The following SLC17A6 variants were observed in gnomAD, a reference collection of about 807,000 sequenced individuals.
SLC17A6 encodes vesicular glutamate transporter 2.
A neutral mutation model predicts 67.1 loss-of-function variants in SLC17A6; 35 were observed. That is an observed-to-expected ratio of 0.52 (90% CI 0.40 to 0.69). The LOEUF (loss-of-function observed/expected upper bound fraction) is 0.69. SLC17A6 is among the 30% of genes least tolerant of loss of function. SLC17A6 has a pLI of 0.00. For synonymous variants in SLC17A6, 285 were observed against 252.3 expected, an observed-to-expected ratio of 1.13 and a Z score of -1.23; for missense variants, 588 against 723.9, an observed-to-expected ratio of 0.81 and a Z score of 2.15.
intron 3 of SLC17A6, among the ~76,000 whole-genome samples, chr11:22,359,085 T>C (rs1856020413): frequency 6.6e-6 from 1 of 152,226 alleles, no homozygotes; most frequent in Admixed American, 6.5e-5. Flanking sequence ...GTTTACATTG[T>C]AGAATGAAAT....
At chr11:22,368,955 C>T (rs1856143523) in intron 7 of SLC17A6, among the ~76,000 whole-genome samples, 1 of 151,980 alleles carries the variant, frequency 6.6e-6, no homozygotes, top group Non-Finnish European at 1.5e-5. Flanking sequence ...TACTGTGTTG[C>T]ATTTAAAGTG....
intron 6 of SLC17A6, among the ~76,000 whole-genome samples, chr11:22,363,237 G>C (rs1034147361): frequency 2.8e-5 from 4 of 144,750 alleles, no homozygotes; most frequent in Admixed American, 6.9e-5. Flanking sequence ...TGAAAGGGGG[G>C]GTGGAAAGCT....
chr11:22,362,728 T>A lies in SLC17A6; in HGVS notation c.662-11T>A, dbSNP rs552588099. The A allele has an allele frequency of 6.2e-7, 1 of 1,610,884 alleles. No homozygotes were observed. The highest frequency in any genetic ancestry group is 1.3e-5 in the African/African-American group (1 of 74,980). ...TCACTCACCTTTCTCCCATTCTTCC[T>A]TACACTTTAGGTTCCTATGCCGGAG... is the stretch of plus-strand genomic sequence containing the variant. On this transcript the variant is annotated splice_polypyrimidine_tract_variant and intron_variant, in intron 5 of 11. Transcript: ENST00000263160.
chr11:22,361,183 G>A (rs1415135669), intron 5 of SLC17A6, 199 bp downstream of exon 5: 6 of 474,330 alleles, frequency 1.3e-5, no homozygotes, highest in African/African-American at 1.2e-4. Context: ...TCTTGTGTTT[G>A]TATTTTTCTA....
chr11:22,377,633 A>G lies in SLC17A6; in HGVS notation c.1642A>G (p.Thr548Ala), dbSNP rs1450042596. ...TACCACCAAGTCTTATGGTGCCACA[A>G]CACAGGCCAATGGAGGTTGGCCTAG... ...YGTTKSYGAT[T>A]QANGGWPSGW... is the part of the protein sequence containing the mutation. The change falls in exon 12 of 12, where the codon ACA (threonine) becomes GCA (alanine). Residue 548 changes from threonine to alanine, a missense_variant. This residue lies in a region of SLC17A6 where 414 missense variants were observed against 563.4 expected (regional missense o/e 0.73). Coordinates refer to ENST00000263160, the MANE Select transcript of SLC17A6 (RefSeq NM_020346.3). 1 of 1,614,164 alleles carries G rather than the reference A, an allele frequency of 6.2e-7. No homozygotes were observed. The highest frequency in any genetic ancestry group is 8.5e-7 in the Non-Finnish European group (1 of 1,180,000).
At chr11:22,364,992 C>A (rs916846188) in intron 6 of SLC17A6, among the ~76,000 whole-genome samples, 5 of 152,052 alleles carry the variant, frequency 3.3e-5, no homozygotes, top group Non-Finnish European at 5.9e-5. Flanking sequence ...AGTACAGAGG[C>A]CCACTTTTTA....
chr11:22,366,664 A>G (rs1202069708), intron 7 of SLC17A6, among the ~76,000 whole-genome samples: 1 of 152,210 alleles, frequency 6.6e-6, no homozygotes, highest in Admixed American at 6.5e-5. Context: ...TACATTGTAC[A>G]TAGTAATTAA....
intron 3 of SLC17A6, among the ~76,000 whole-genome samples, chr11:22,345,221 A>T (rs1855863799): frequency 6.6e-6 from 1 of 152,170 alleles, no homozygotes; most frequent in Non-Finnish European, 1.5e-5. Flanking sequence ...AATAAAAAAA[A>T]AAAGCAAACT....
intron 2 of SLC17A6, among the ~76,000 whole-genome samples, 199 bp downstream of exon 2, chr11:22,341,979 C>A (rs1855821290): frequency 6.6e-6 from 1 of 152,216 alleles, no homozygotes; most frequent in Non-Finnish European, 1.5e-5. Flanking sequence ...CTGGGCCTCC[C>A]CTTCCTCAAC....
chr11:22,349,881 T>C (rs556741458), intron 3 of SLC17A6, among the ~76,000 whole-genome samples: 42 of 152,294 alleles, frequency 2.8e-4, no homozygotes, highest in Non-Finnish European at 5.4e-4. Context: ...CCTGAGTCAG[T>C]CTGCTGCAGA....
chr11:22,361,636 A>G (rs1856053886), intron 5 of SLC17A6, among the ~76,000 whole-genome samples: 1 of 152,106 alleles, frequency 6.6e-6, no homozygotes, highest in Non-Finnish European at 1.5e-5. Context: ...CTATTTTGGG[A>G]AATAGAATTA....
intron 8 of SLC17A6, among the ~76,000 whole-genome samples, chr11:22,372,437 G>A (rs1856184235): frequency 6.6e-6 from 1 of 151,138 alleles, no homozygotes; most frequent in Admixed American, 6.6e-5. Flanking sequence ...ATGCTTATAT[G>A]TAACATATTC....
At chr11:22,365,415 G>T (rs990568040) in intron 6 of SLC17A6, 132 bp from the exon 7 acceptor site, 4 of 1,051,874 alleles carry the variant, frequency 3.8e-6, no homozygotes, top group Admixed American at 4.3e-5. Flanking sequence ...GATGGCTAAC[G>T]TCAGTTGGAG....
chr11:22,346,645 A>T, intron 3 of SLC17A6, among the ~76,000 whole-genome samples: 1 of 141,550 alleles, frequency 7.1e-6, no homozygotes, highest in East Asian at 1.9e-4. Flanking sequence ...ATATGGTAAT[A>T]AAAAAATGTG....
At chr11:22,354,126 C>G (rs1242004031) in intron 3 of SLC17A6, among the ~76,000 whole-genome samples, 1 of 151,852 alleles carries the variant, frequency 6.6e-6, no homozygotes, top group African/African-American at 2.4e-5. Flanking sequence ...TCTTGTTGCC[C>G]AGGCTGGAGT....
At position 22,376,467 on chromosome 11, in the gene SLC17A6, T is replaced by C. The variant is rs1013442399; in HGVS notation, c.1286-78T>C. 5.3e-6 allele frequency: 8 copies of C among 1,512,246 alleles called. No individual in the cohort carries two copies. In the African/African-American group the frequency reaches 1.1e-4, roughly 21 times the overall value. 93.7% of individuals were successfully genotyped at this position (1,512,246 alleles called of 1,614,324 possible). ...CTGTACCCAGTATATTTTAAGGAGT[T>C]GTGATGTGTGGTTCTATAGGTATTT... On this transcript the variant is annotated intron_variant, in intron 10 of 11. Transcript: ENST00000263160.
intron 3 of SLC17A6, among the ~76,000 whole-genome samples, chr11:22,356,255 A>C (rs1374095272): frequency 6.6e-6 from 1 of 152,196 alleles, no homozygotes; most frequent in African/African-American, 2.4e-5. Flanking sequence ...TCTCCTGTGA[A>C]TATAGTCTCA....
chr11:22,369,290 T>C (rs562607633), intron 7 of SLC17A6, among the ~76,000 whole-genome samples: 2 of 152,082 alleles, frequency 1.3e-5, no homozygotes, highest in South Asian at 4.1e-4. Flanking sequence ...TACAATTAGG[T>C]TTAATTTTTT....
intron 3 of SLC17A6, among the ~76,000 whole-genome samples, chr11:22,344,404 TTGTC>T (rs1340212010): frequency 1.3e-5 from 2 of 152,168 alleles, no homozygotes; most frequent in East Asian, 3.9e-4. Flanking sequence ...ACTGCATCTT[TTGTC>T]AATTACTATC....
Sources: allele counts gnomAD v4.1 joint callset (sites outside exome capture counted in the v4.1 genomes callset), GRCh38; gene constraint gnomAD v4.1.1; regional missense constraint gnomAD v4.1.1; transcripts MANE v1.5; gene names NCBI Gene and HGNC (gene_info 2026-07-23, HGNC 2026-07-21).